The following PPTC7 variants were observed in gnomAD, a reference collection of about 807,000 sequenced individuals.
PPTC7 encodes protein phosphatase targeting COQ7, also known as protein phosphatase PTC7 homolog.
In PPTC7, 6 loss-of-function variants were observed where a neutral mutation model predicts 30.8. The ratio of observed to expected loss-of-function variants is 0.19; its 90% CI spans 0.11 to 0.38. PPTC7 has a LOEUF of 0.38. Ranked by LOEUF, PPTC7 falls within the 10% of genes least tolerant of loss-of-function variation. The pLI is 1.00. For synonymous variants in PPTC7, 163 were observed against 168.1 expected (o/e 0.97, Z 0.23); for missense variants, 218 against 404.8 (o/e 0.54, Z 3.96).
In PPTC7 at chr12:110,536,434, C is replaced by T. The variant is rs1217957218; in HGVS notation, c.*603G>A. On this transcript the variant is annotated 3_prime_UTR_variant, in exon 6 of 6. Coordinates refer to ENST00000354300, the MANE Select transcript of PPTC7 (RefSeq NM_139283.2). The stretch of plus-strand genomic sequence containing the variant: ...ATAGAACTAAAATGGATTTTTCTCC[C>T]GATTTGTAACAAAAAAGCTTTTGGG... 6.6e-6 allele frequency: 1 copy of T among 152,106 alleles called. No individual in the cohort carries two copies. Among genetic ancestry groups the T allele is most frequent in the Admixed American group, 6.5e-5 (1 of 15,278 alleles). The allele number at this position is 152,106 out of a possible 1,614,324, so 9.4% of individuals were successfully genotyped here.
intron 3 of PPTC7, 55 bp from the exon 4 acceptor site, chr12:110,540,000 G>A: frequency 6.4e-7 from 1 of 1,550,636 alleles, no homozygotes; most frequent in South Asian, 1.2e-5. Flanking sequence ...CAGATGAGTT[G>A]AAAATGTCCT....
At chr12:110,538,380 T>A in intron 4 of PPTC7, 107 bp from the exon 5 acceptor site, 1 of 1,041,366 alleles carries the variant, frequency 9.6e-7, no homozygotes, top group Non-Finnish European at 1.4e-6. Flanking sequence ...GAAAAGACAT[T>A]AAAACATCAT....
chr12:110,571,018 C>T (rs1331554446), intron 1 of PPTC7, among the ~76,000 whole-genome samples: 2 of 152,252 alleles, frequency 1.3e-5, no homozygotes, highest in Non-Finnish European at 2.9e-5. Context: ...TGGCGCCCAA[C>T]GTGGGGCTTT....
At chr12:110,541,573 G>A (rs544177330) in intron 3 of PPTC7, among the ~76,000 whole-genome samples, 4 of 151,362 alleles carry the variant, frequency 2.6e-5, no homozygotes, top group Admixed American at 6.6e-5. Flanking sequence ...GGTGGCACAC[G>A]CCTGTAATCC....
chr12:110,581,538 G>A (rs2064637290), intron 1 of PPTC7, among the ~76,000 whole-genome samples: 1 of 152,172 alleles, frequency 6.6e-6, no homozygotes, highest in Non-Finnish European at 1.5e-5. Flanking sequence ...GCAAGCTGCA[G>A]GACCTTTCTA....
chr12:110,569,553 G>A (rs1210426297), intron 1 of PPTC7, among the ~76,000 whole-genome samples: 2 of 151,906 alleles, frequency 1.3e-5, no homozygotes, highest in East Asian at 1.9e-4. Context: ...TCCCTTTCTC[G>A]GATCCAAGAC....
chr12:110,533,583 A>G lies in PPTC7; in HGVS notation c.*3454T>C, dbSNP rs2064188894. The G allele has an allele frequency of 6.6e-6, 1 of 151,688 alleles. No individual in the cohort carries two copies. The allele number at this position is 151,688 out of a possible 1,614,324, so 9.4% of individuals were successfully genotyped here. On this transcript the variant is annotated 3_prime_UTR_variant, in exon 6 of 6. Transcript: ENST00000354300. ...GTCCTGCTTCATGTTTTGTTTCATA[A>G]GCAGATTTTGGTTTTTTGATACTGT...
rs77125076 is a variant in PPTC7 at position 110,574,942 on chromosome 12, C to CTT, written c.223+7865_223+7866dup. On this transcript the variant is annotated intron_variant, in intron 1 of 5. Transcript: ENST00000354300. ...TACAGGCACTCGCCACCATGCCCGG[C>CTT]TTTTTTTTTTTTTTTTTTTAAACTT... Among the ~76,000 whole-genome samples, 206 of 128,904 alleles carry CTT rather than the reference C, an allele frequency of 1.6e-3. 2 individuals are homozygous for CTT. The highest frequency in any genetic ancestry group is 5.4e-3 in the African/African-American group (185 of 34,092). 84.6% of individuals were successfully genotyped at this position (128,904 alleles called of 152,430 possible).
intron 3 of PPTC7, among the ~76,000 whole-genome samples, chr12:110,540,492 C>T (rs1192444841): frequency 6.6e-6 from 1 of 151,866 alleles, no homozygotes; most frequent in African/African-American, 2.4e-5. Context: ...TGTAGGACCA[C>T]AGTCATGCAC....
rs1311164900 is a variant in PPTC7 at position 110,551,744 on chromosome 12, T to C, written c.403+45A>G. 6 of 1,552,374 alleles carry C rather than the reference T, an allele frequency of 3.9e-6. No individual in the cohort carries two copies. In the African/African-American group the frequency reaches 5.5e-5, roughly 14 times the overall value. ...ATTTTCTTGGTTTTGTTTTTAACTA[T>C]CTAGGGGGCTTCTTTAGAGGAAAAC... On this transcript the variant is annotated intron_variant, in intron 2 of 5. Coordinates refer to ENST00000354300, the MANE Select transcript of PPTC7 (RefSeq NM_139283.2).
chr12:110,545,442 T>A (rs1475366543), intron 3 of PPTC7, among the ~76,000 whole-genome samples: 1 of 152,186 alleles, frequency 6.6e-6, no homozygotes, highest in African/African-American at 2.4e-5. Context: ...TTGATGCATG[T>A]AGTAAGAGGT....
intron 1 of PPTC7, among the ~76,000 whole-genome samples, chr12:110,578,677 G>A (rs550277493): frequency 5.9e-5 from 9 of 152,212 alleles, no homozygotes; most frequent in African/African-American, 2.2e-4. Flanking sequence ...TCTGTTACAC[G>A]GATACTCAGT....
chr12:110,541,760 A>G (rs531638056), intron 3 of PPTC7, among the ~76,000 whole-genome samples: 17 of 151,948 alleles, frequency 1.1e-4, no homozygotes, highest in Non-Finnish European at 1.6e-4. Context: ...ATTTTGGCAT[A>G]GTAAGGACTC....
chr12:110,568,174 T>G (rs2064501083), intron 1 of PPTC7, among the ~76,000 whole-genome samples: 1 of 151,972 alleles, frequency 6.6e-6, no homozygotes, highest in Admixed American at 6.6e-5. Flanking sequence ...TCTGGAGTAT[T>G]CCCATTCTTC....
At chr12:110,561,862 G>A (rs1027864671) in intron 1 of PPTC7, among the ~76,000 whole-genome samples, 1 of 151,940 alleles carries the variant, frequency 6.6e-6, no homozygotes, top group Non-Finnish European at 1.5e-5. Context: ...GGGGGACAGG[G>A]GTAGAAGGAT....
At chr12:110,556,982 CAA>C (rs1396027974) in intron 1 of PPTC7, among the ~76,000 whole-genome samples, 2 of 152,000 alleles carry the variant, frequency 1.3e-5, no homozygotes, top group African/African-American at 4.8e-5. Context: ...GGAAGGATAA[CAA>C]GAGGAAAAGA....
intron 1 of PPTC7, among the ~76,000 whole-genome samples, chr12:110,557,371 C>A (rs749685318): frequency 6.6e-6 from 1 of 152,174 alleles, no homozygotes; most frequent in African/African-American, 2.4e-5. Context: ...AACTCCTGGG[C>A]TCAAGTATTC....
intron 1 of PPTC7, among the ~76,000 whole-genome samples, chr12:110,580,155 G>C (rs1425512568): frequency 6.6e-6 from 1 of 152,162 alleles, no homozygotes; most frequent in Non-Finnish European, 1.5e-5. Context: ...ACTCAAGAGA[G>C]ACTCTGCCCA....
At chr12:110,558,415 C>T (rs960916956) in intron 1 of PPTC7, among the ~76,000 whole-genome samples, 1 of 152,102 alleles carries the variant, frequency 6.6e-6, no homozygotes, top group African/African-American at 2.4e-5. Context: ...GAGGTTGCAC[C>T]GAATATAGAA....
Sources: allele counts gnomAD v4.1 joint callset (sites outside exome capture counted in the v4.1 genomes callset), GRCh38; gene constraint gnomAD v4.1.1; transcripts MANE v1.5; gene names NCBI Gene and HGNC (gene_info 2026-07-23, HGNC 2026-07-21).